MPZ: variants seen among roughly 807,000 people sequenced by gnomAD.
The protein encoded by MPZ is myelin protein zero.
Under a neutral mutation model 27.9 loss-of-function variants are expected in MPZ, and 13 were observed. The ratio of observed to expected loss-of-function variants is 0.47; its 90% confidence interval spans 0.30 to 0.74. The LOEUF (loss-of-function observed/expected upper bound fraction) is 0.74, where lower values mean the gene tolerates loss of function less well. Among genes scored for constraint, MPZ ranks in the 30% least tolerant of loss-of-function variants. The pLI, the probability that MPZ is intolerant of heterozygous loss-of-function variation, is 0.06. For synonymous variants in MPZ, 118 were observed against 128.9 expected, an observed-to-expected ratio of 0.92 and a Z score of 0.57; for missense variants, 256 against 317.5, an observed-to-expected ratio of 0.81 and a Z score of 1.47.
chr1:161,305,919 T>C lies in MPZ; in HGVS notation c.704A>G (p.Lys235Arg), dbSNP rs1670224859. The part of the protein sequence containing the change: ...HSRSTKAVSE[K>R]KAKGLGESRK... Reference sequence around the variant, plus strand: ...AGACTCCCCCAGCCCCTTGGCCTTCTTCTCACTGACAGCTTTGGTGCTTCT... The same window carrying C: ...AGACTCCCCCAGCCCCTTGGCCTTCCTCTCACTGACAGCTTTGGTGCTTCT... Residue 235 changes from lysine to arginine, a missense_variant, in exon 6 of 6, where the codon AAG becomes AGG. Around this residue, in one of 2 missense-constraint regions of MPZ, gnomAD observed 101 missense variants for 93.6 expected, o/e 1.08. Coordinates refer to ENST00000533357, the MANE Select transcript of MPZ (RefSeq NM_000530.8). The C allele has an allele frequency of 6.2e-7, 1 of 1,613,840 alleles. No individual in the cohort carries two copies. Among genetic ancestry groups the C allele is most frequent in the Non-Finnish European group, 8.5e-7 (1 of 1,179,884 alleles).
chr1:161,305,385 G>A lies in MPZ; in HGVS notation c.*491C>T, dbSNP rs951536776. The A allele has an allele frequency of 6.2e-6, 1 of 160,502 alleles. No individual in the cohort carries two copies. The highest frequency in any genetic ancestry group is 2.4e-5 in the African/African-American group (1 of 41,420). The allele number at this position is 160,502 out of a possible 1,614,324, so 9.9% of individuals were successfully genotyped here. Reference sequence around the variant, plus strand: ...GGAGATGGGAATGCCAGGTGGCCTGGACTTGAGGCAGAGGGTATCAAAGTC... The same window carrying A: ...GGAGATGGGAATGCCAGGTGGCCTGAACTTGAGGCAGAGGGTATCAAAGTC... On this transcript the variant is annotated 3_prime_UTR_variant, in exon 6 of 6. Transcript: ENST00000533357.
downstream of MPZ, among the ~76,000 whole-genome samples, chr1:161,303,613 TACAGGCATGAGCCACC>T (rs1252877599): frequency 6.6e-6 from 1 of 152,226 alleles, no homozygotes; most frequent in Non-Finnish European, 1.5e-5. Context: ...GTGCTGGCAT[TACAGGCATGAGCCACC>T]ACATCCAACC....
intron 1 of MPZ, among the ~76,000 whole-genome samples, chr1:161,309,552 A>ATATATATATATATATATATATTTTTTTT: frequency 1.2e-5 from 1 of 80,636 alleles, no homozygotes; most frequent in African/African-American, 5.8e-5. Context: ...ATATATATAT[A>ATATATATATATATATATATATTTTTTTT]TTTTTTTTTT....
chr1:161,309,184 C>A (rs181147555), intron 1 of MPZ, among the ~76,000 whole-genome samples: 1 of 152,332 alleles, frequency 6.6e-6, no homozygotes, highest in African/African-American at 2.4e-5. Flanking sequence ...TTCACCCACA[C>A]AACAGGTGAG....
At chr1:161,307,015 A>AAAAAAAAAAAAAAAAC in intron 2 of MPZ, 94 bp from the exon 3 acceptor site, 1 of 160,132 alleles carries the variant, frequency 6.2e-6, no homozygotes, top group Non-Finnish European at 1.2e-5. Context: ...AGAAAAAAGC[A>AAAAAAAAAAAAAAAAC]AAAAAAAAAA....
chr1:161,307,246 C>G lies in MPZ; in HGVS notation c.234+12G>C. On this transcript the variant is annotated intron_variant, in intron 2 of 5. Transcript: ENST00000533357. ...TCTGTTATCCAACCCCAGGATTCCC[C>G]CAGGCACTCACCGAAATGGCATCTC... 1 of 1,614,214 alleles carries G rather than the reference C, an allele frequency of 6.2e-7. No individual in the cohort carries two copies. The highest frequency in any genetic ancestry group is 8.5e-7 in the Non-Finnish European group (1 of 1,180,040).
chr1:161,309,820 G>A lies in MPZ; in HGVS notation c.67+19C>T. The A allele has an allele frequency of 6.4e-7, 1 of 1,564,894 alleles. No homozygotes were observed. Among genetic ancestry groups the A allele is most frequent in the Non-Finnish European group, 8.7e-7 (1 of 1,153,030 alleles). ...ACACCTGAGTCCCAAGACTCCCAGA[G>A]TAGAGTGGCTCCACTTACCCAAAGA... On this transcript the variant is annotated intron_variant, in intron 1 of 5. Coordinates refer to ENST00000533357, the MANE Select transcript of MPZ (RefSeq NM_000530.8).
At chr1:161,308,001 T>TC (rs398039012) in intron 1 of MPZ, among the ~76,000 whole-genome samples, 8 of 152,188 alleles carry the variant, frequency 5.3e-5, no homozygotes, top group Admixed American at 2.6e-4. Context: ...AGTTTTTTTT[T>TC]CCACATACAT....
In MPZ at chr1:161,307,281, C is replaced by T. The variant is rs573007540; in HGVS notation, c.211G>A (p.Glu71Lys). The T allele has an allele frequency of 2.3e-5, 37 of 1,614,230 alleles. No homozygotes were observed. The highest frequency in any genetic ancestry group is 2.2e-4 in the South Asian group (20 of 91,082). ...ACCGAAATGGCATCTCTGCCCCCTT[C>T]GGGCTGGTAGCGCCAGGTGAAGGAG... ...DISFTWRYQP[E>K]GGRDAISIFH... is the part of the protein sequence containing the mutation. The change falls in exon 2 of 6, where the codon GAA (glutamate) becomes AAA (lysine). Residue 71 changes from glutamate (E) to lysine (K), a missense_variant. By Grantham distance (56) the Glu-to-Lys change is moderately conservative. Coordinates refer to ENST00000533357, the MANE Select transcript of MPZ (RefSeq NM_000530.8).
At chr1:161,309,552 A>ATATATATTTTTTTTTTTTT in intron 1 of MPZ, among the ~76,000 whole-genome samples, 20 of 80,632 alleles carry the variant, frequency 2.5e-4, no homozygotes, top group African/African-American at 8.1e-4. Context: ...ATATATATAT[A>ATATATATTTTTTTTTTTTT]TTTTTTTTTT....
Position 161,306,352 on chromosome 1 carries a change from C to G in MPZ, c.561G>C (p.Gln187His). The G allele has an allele frequency of 6.2e-7, 1 of 1,614,226 alleles. No individual in the cohort carries two copies. The highest frequency in any genetic ancestry group is 1.1e-5 in the South Asian group (1 of 91,086). ...ACCTGAGCCTCCTCTGCAGGGCCGC[C>G]TGCCTGCGTAGCCAGCAGTACCGAA... ...YVVRYCWLRR[Q>H]AALQRRLSAM... The change falls in exon 4 of 6, where the codon CAG becomes CAC. Residue 187 changes from glutamine to histidine, a missense_variant. By Grantham distance (24) the Gln-to-His change is conservative. Around this residue, in one of 2 missense-constraint regions of MPZ, gnomAD observed 101 missense variants for 93.6 expected, o/e 1.08. Transcript: ENST00000533357.
chr1:161,306,053 C>G (rs1011005299), intron 5 of MPZ, 55 bp downstream of exon 5: 5 of 1,611,720 alleles, frequency 3.1e-6, no homozygotes, highest in East Asian at 4.5e-5. Context: ...CACTGCTGCC[C>G]GGCGGCTCCC....
rs1670359588 is a variant in MPZ, at chr1:161,309,858, C to T, written c.48G>A (p.Val16=). 2 of 1,586,632 alleles carry T rather than the reference C, an allele frequency of 1.3e-6. No homozygotes were observed. The highest frequency in any genetic ancestry group is 1.7e-6 in the Non-Finnish European group (2 of 1,167,446). The change falls in exon 1 of 6, where the codon GTG becomes GTA. Residue 16 remains valine, a synonymous_variant. Coordinates refer to ENST00000533357, the MANE Select transcript of MPZ (RefSeq NM_000530.8). ...ACTTACCCAAAGAAGAGAAGAGCAGCACAGCCAGGATAGGGCTGGGGCTGG... is the reference window on the plus strand; with the variant it reads ...ACTTACCCAAAGAAGAGAAGAGCAGTACAGCCAGGATAGGGCTGGGGCTGG... ...PSSSPSPILA[V]LLFSSLVLSP...
chr1:161,309,552 A>ATTTTTTTTTTTTTT (rs1215409194), intron 1 of MPZ, among the ~76,000 whole-genome samples: 136 of 80,576 alleles, frequency 1.7e-3, no homozygotes, highest in Non-Finnish European at 2.4e-3. Context: ...ATATATATAT[A>ATTTTTTTTTTTTTT]TTTTTTTTTT....
In MPZ at chr1:161,305,842, C is replaced by T; in HGVS notation, c.*34G>A. 1 of 1,526,212 alleles carries T rather than the reference C, an allele frequency of 6.6e-7. No individual in the cohort carries two copies. 94.5% of individuals were successfully genotyped at this position (1,526,212 alleles called of 1,614,324 possible). ...TTTGGGCCTTTGGCGGACTCCACCC[C>T]TAACCCCCGATCCCCCGCCCGGCCC... On this transcript the variant is annotated 3_prime_UTR_variant, in exon 6 of 6. Coordinates refer to ENST00000533357, the MANE Select transcript of MPZ (RefSeq NM_000530.8).
chr1:161,309,552 A>ATATATATTTTTTTTTT, intron 1 of MPZ, among the ~76,000 whole-genome samples: 89 of 80,596 alleles, frequency 1.1e-3, no homozygotes, highest in Admixed American at 1.6e-3. Flanking sequence ...ATATATATAT[A>ATATATATTTTTTTTTT]TTTTTTTTTT....
chr1:161,308,439 G>A (rs1186687749), intron 1 of MPZ, among the ~76,000 whole-genome samples: 2 of 152,190 alleles, frequency 1.3e-5, no homozygotes, highest in African/African-American at 4.8e-5. Context: ...GAGACTATGT[G>A]TGTGGGCTGG....
Sources: allele counts gnomAD v4.1 joint callset (sites outside exome capture counted in the v4.1 genomes callset), GRCh38; gene constraint gnomAD v4.1.1; regional missense constraint gnomAD v4.1.1; transcripts MANE v1.5; gene names NCBI Gene and HGNC (gene_info 2026-07-23, HGNC 2026-07-21).